CDH18: variants seen among roughly 807,000 people sequenced by gnomAD.
The protein encoded by CDH18 is cadherin-18.
A neutral mutation model predicts 67.9 loss-of-function variants in CDH18; 31 were observed. The observed-to-expected ratio is 0.46, with a 90% CI of 0.34 to 0.62. CDH18 has a LOEUF of 0.62. CDH18 is among the 20% of genes least tolerant of loss of function. The probability of loss-of-function intolerance (pLI) is 0.01; values close to 1 mark genes in which losing one functional copy is unlikely to be tolerated. For missense variants in CDH18, 890 were observed against 975.5 expected (o/e 0.91, Z 1.17); for synonymous variants, 362 against 347.2 (o/e 1.04, Z -0.48).
rs1225579100 is a variant in CDH18 at position 20,233,018 on chromosome 5, TC to T, written c.-518+22425del. ...AATAAAGAAGTTGAAACCTGATTAA[TC>T]CAGATGATGTTAAAAATCCTGAAGT... On this transcript the variant is annotated intron_variant, in intron 2 of 14. Coordinates refer to the CDH18 transcript ENST00000507958. Among the ~76,000 whole-genome samples, 3 of 151,894 alleles carry T rather than the reference TC, an allele frequency of 2.0e-5. No individual in the cohort carries two copies. The East Asian group carries it at 5.8e-4, about 29-fold the overall frequency.
chr5:19,712,270 C>G (rs893107076), intron 5 of CDH18, among the ~76,000 whole-genome samples: 2 of 151,976 alleles, frequency 1.3e-5, no homozygotes, highest in Non-Finnish European at 2.9e-5. Flanking sequence ...TAACAAAACT[C>G]TACTTGTATC....
intron 1 of CDH18, among the ~76,000 whole-genome samples, chr5:20,393,274 C>A (rs1019142908): frequency 1.3e-5 from 2 of 151,868 alleles, no homozygotes; most frequent in South Asian, 4.1e-4. Context: ...ATTTGATAAG[C>A]CTCACTTTTG....
chr5:20,471,845 A>AAAAAAAAAAAAAAAAAC, intron 1 of CDH18, among the ~76,000 whole-genome samples: 1 of 150,232 alleles, frequency 6.7e-6, no homozygotes, highest in Non-Finnish European at 1.5e-5. Context: ...AAAAAAAAAA[A>AAAAAAAAAAAAAAAAAC]AAAAAAGCAA....
chr5:19,927,661 T>G (rs1287100847), intron 2 of CDH18, among the ~76,000 whole-genome samples: 1 of 152,180 alleles, frequency 6.6e-6, no homozygotes, highest in East Asian at 1.9e-4. Flanking sequence ...GTCAGCTATT[T>G]TCTAATGCAG....
At chr5:20,242,638 A>ATATATATACATATATGTATATATATATG (rs1743065808) in intron 2 of CDH18, among the ~76,000 whole-genome samples, 4 of 109,526 alleles carry the variant, frequency 3.7e-5, no homozygotes, top group African/African-American at 1.6e-4. Context: ...ATATATGTAT[A>ATATATATACATATATGTATATATATATG]TATATATATA....
At chr5:19,528,064 A>T (rs1748017142) in intron 9 of CDH18, among the ~76,000 whole-genome samples, 1 of 151,866 alleles carries the variant, frequency 6.6e-6, no homozygotes, top group South Asian at 2.1e-4. Context: ...AATTGTATTG[A>T]TTATAAAGTA....
At chr5:19,723,742 T>A (rs1277103695) in intron 4 of CDH18, among the ~76,000 whole-genome samples, 1 of 152,182 alleles carries the variant, frequency 6.6e-6, no homozygotes, top group Non-Finnish European at 1.5e-5. Context: ...AGACAGAGTT[T>A]TGCTCATGTT....
intron 1 of CDH18, among the ~76,000 whole-genome samples, chr5:20,486,545 G>A (rs11953100): frequency 6.3e-4 from 95 of 151,988 alleles, no homozygotes; most frequent in Non-Finnish European, 1.0e-3. Context: ...AAGATTAGCT[G>A]TAACCCAGAC....
rs796697683 is a variant in CDH18 at position 19,994,851 on chromosome 5, T to TAGAGAGAGAGAGAG, written c.-517-2838_-517-2837insCTCTCTCTCTCTCT. Among the ~76,000 whole-genome samples the TAGAGAGAGAGAGAG allele has an allele frequency of 4.1e-4, 16 of 39,200 alleles. 3 individuals are homozygous for TAGAGAGAGAGAGAG. Among genetic ancestry groups the TAGAGAGAGAGAGAG allele is most frequent in the African/African-American group, 2.0e-3 (16 of 8,120 alleles). The allele number at this position is 39,200 out of a possible 152,430, so 25.7% of individuals were successfully genotyped here. A position where few individuals can be genotyped will look rare whatever the true frequency, so the allele number is the denominator to read the frequency against. On this transcript the variant is annotated intron_variant, in intron 2 of 14. Coordinates refer to the CDH18 transcript ENST00000507958. ...GAGAATATATATATATATATATATA[T>TAGAGAGAGAGAGAG]ATATAGAGAGAGAGAGAGAGAGAGA...
chr5:19,563,118 C>A (rs1458358056), intron 8 of CDH18, among the ~76,000 whole-genome samples: 2 of 152,040 alleles, frequency 1.3e-5, no homozygotes, highest in Non-Finnish European at 2.9e-5. Flanking sequence ...TTATAATATA[C>A]ATTTGTTTCT....
chr5:20,040,804 C>T (rs1377144650), intron 2 of CDH18, among the ~76,000 whole-genome samples: 1 of 152,066 alleles, frequency 6.6e-6, no homozygotes, highest in Admixed American at 6.6e-5. Flanking sequence ...TCCTGTGAAA[C>T]CACAAGAAGA....
chr5:19,566,261 C>T (rs1290682637), intron 8 of CDH18, among the ~76,000 whole-genome samples: 1 of 152,166 alleles, frequency 6.6e-6, no homozygotes, highest in African/African-American at 2.4e-5. Context: ...AGGGAACCCC[C>T]ATATCCTGTT....
chr5:19,640,957 T>A (rs1484899254), intron 5 of CDH18, among the ~76,000 whole-genome samples: 1 of 151,766 alleles, frequency 6.6e-6, no homozygotes, highest in Non-Finnish European at 1.5e-5. Context: ...AAAAGAAAGA[T>A]GGCTCAAATA....
chr5:19,531,346 A>G (rs1357285112), intron 9 of CDH18, among the ~76,000 whole-genome samples: 1 of 152,186 alleles, frequency 6.6e-6, no homozygotes, highest in African/African-American at 2.4e-5. Flanking sequence ...CAGATGGCAC[A>G]TGAAAATATT....
intron 3 of CDH18, among the ~76,000 whole-genome samples, chr5:19,748,193 A>T (rs570511578): frequency 6.7e-6 from 1 of 150,142 alleles, no homozygotes; most frequent in South Asian, 2.1e-4. Context: ...TTTAACTCAA[A>T]ATTTAAATAG....
At chr5:19,557,417 A>G (rs889182514) in intron 8 of CDH18, among the ~76,000 whole-genome samples, 6 of 151,982 alleles carry the variant, frequency 3.9e-5, no homozygotes, top group Non-Finnish European at 8.8e-5. Context: ...GGACTAATAT[A>G]CTTAAAATAA....
chr5:19,592,644 A>C (rs1192136789), intron 6 of CDH18, among the ~76,000 whole-genome samples: 1 of 152,156 alleles, frequency 6.6e-6, no homozygotes, highest in East Asian at 1.9e-4. Context: ...AATCTAGTGA[A>C]TGTTGAAAAT....
intron 1 of CDH18, among the ~76,000 whole-genome samples, chr5:20,440,114 A>G (rs1158280633): frequency 6.6e-6 from 1 of 151,852 alleles, no homozygotes; most frequent in Admixed American, 6.6e-5. Context: ...GAATTCAAGT[A>G]TTCATTCCTT....
intron 1 of CDH18, among the ~76,000 whole-genome samples, chr5:20,473,741 C>T (rs10061407): frequency 0.026 from 3,910 of 151,994 alleles, 170 homozygotes; most frequent in African/African-American, 0.09. Context: ...TATATTTTTG[C>T]CAAAAACTAG....
Sources: gnomAD v4.1 joint callset for allele counts (sites outside exome capture counted in the v4.1 genomes callset) on GRCh38, gnomAD v4.1.1 for gene constraint, MANE v1.5 for transcripts, NCBI Gene and HGNC (gene_info 2026-07-23, HGNC 2026-07-21) for gene names.